The following KCNH8 variants were observed in gnomAD, a reference collection of about 807,000 sequenced individuals.
KCNH8 encodes the protein voltage-gated delayed rectifier potassium channel KCNH8.
Under a neutral mutation model 103.6 loss-of-function variants are expected in KCNH8, and 70 were observed. The observed-to-expected ratio is 0.68, with a 90% CI of 0.56 to 0.82. KCNH8 has a LOEUF of 0.82. Ranked by LOEUF, KCNH8 falls within the 40% of genes least tolerant of loss-of-function variation. The probability of loss-of-function intolerance (pLI) is 0.00; values close to 1 mark genes in which losing one functional copy is unlikely to be tolerated. For synonymous variants in KCNH8, 498 were observed against 489.4 expected, an observed-to-expected ratio of 1.02 and a Z score of -0.23; for missense variants, 1,217 against 1,329.9, an observed-to-expected ratio of 0.92 and a Z score of 1.32.
At chr3:19,427,043 C>T (rs1157479927) in intron 7 of KCNH8, among the ~76,000 whole-genome samples, 2 of 152,140 alleles carry the variant, frequency 1.3e-5, no homozygotes, top group Non-Finnish European at 2.9e-5. Context: ...TACCAATGGA[C>T]ATGGCCAGGA....
chr3:19,518,336 T>C (rs1314245816), intron 15 of KCNH8, among the ~76,000 whole-genome samples: 1 of 152,050 alleles, frequency 6.6e-6, no homozygotes, highest in African/African-American at 2.4e-5. Flanking sequence ...AATAAAATAA[T>C]CTAGGTCAAT....
intron 5 of KCNH8, among the ~76,000 whole-genome samples, chr3:19,371,800 G>A (rs1458902439): frequency 6.6e-6 from 1 of 151,382 alleles, no homozygotes; most frequent in African/African-American, 2.4e-5. Context: ...AAGATGTAAG[G>A]AAGGGATCCA....
intron 3 of KCNH8, among the ~76,000 whole-genome samples, chr3:19,290,438 T>G (rs2064902732): frequency 6.6e-6 from 1 of 152,206 alleles, no homozygotes; most frequent in African/African-American, 2.4e-5. Context: ...CCTAATTTAT[T>G]GAAAGTTTTT....
chr3:19,486,721 G>A (rs564756183), intron 11 of KCNH8, among the ~76,000 whole-genome samples: 2 of 152,154 alleles, frequency 1.3e-5, no homozygotes, highest in South Asian at 2.1e-4. Context: ...GTTACCGGTC[G>A]CCCCCCTTTG....
At chr3:19,397,534 CACACATATATAT>C (rs2066540226) in intron 7 of KCNH8, among the ~76,000 whole-genome samples, 1 of 146,130 alleles carries the variant, frequency 6.8e-6, no homozygotes, top group Non-Finnish European at 1.5e-5. Flanking sequence ...TGTATATATA[CACACATATATAT>C]ATATGTGTGT....
At chr3:19,410,830 A>G (rs1203148280) in intron 7 of KCNH8, among the ~76,000 whole-genome samples, 1 of 151,006 alleles carries the variant, frequency 6.6e-6, no homozygotes, top group East Asian at 2.0e-4. Context: ...CACTGAACGC[A>G]CCAATATTGA....
intron 5 of KCNH8, among the ~76,000 whole-genome samples, chr3:19,376,542 C>A (rs1316125295): frequency 6.6e-6 from 1 of 152,202 alleles, no homozygotes; most frequent in Non-Finnish European, 1.5e-5. Context: ...GATGGAAATG[C>A]AGAAATCACC....
chr3:19,513,019 TGGAAGATGAGGAAGA>T lies in KCNH8; in HGVS notation c.2133_2147del (p.Asp712_Glu716del). 6.2e-7 allele frequency: 1 copy of T among 1,613,622 alleles called. No homozygotes were observed. The highest frequency in any genetic ancestry group is 8.5e-7 in the Non-Finnish European group (1 of 1,179,810). On this transcript the variant is annotated inframe_deletion, in exon 13 of 16. Coordinates refer to ENST00000328405, the MANE Select transcript of KCNH8 (RefSeq NM_144633.3). ...ATCAACAAGCGACTCCCATCCATTG[TGGAAGATGAGGAAGA>T]GGAGGAGGAGGGGGAGGAAGAGGAG...
chr3:19,203,802 T>C (rs766292942), intron 1 of KCNH8, among the ~76,000 whole-genome samples: 10 of 152,082 alleles, frequency 6.6e-5, no homozygotes, highest in Non-Finnish European at 1.5e-4. Flanking sequence ...CTTTTTAATA[T>C]TTTCTAAATA....
At chr3:19,303,468 C>T (rs1448504144) in intron 3 of KCNH8, among the ~76,000 whole-genome samples, 1 of 152,062 alleles carries the variant, frequency 6.6e-6, no homozygotes, top group East Asian at 1.9e-4. Context: ...CACTATAGGT[C>T]CCTCCAAAAG....
intron 1 of KCNH8, among the ~76,000 whole-genome samples, chr3:19,150,577 G>T (rs1575396369): frequency 6.6e-6 from 1 of 152,158 alleles, no homozygotes; most frequent in African/African-American, 2.4e-5. Flanking sequence ...AATCATCAGC[G>T]TGGAAATATC....
chr3:19,349,220 A>G (rs1452098524), intron 5 of KCNH8, among the ~76,000 whole-genome samples: 1 of 152,130 alleles, frequency 6.6e-6, no homozygotes, highest in Non-Finnish European at 1.5e-5. Context: ...AGATGTAACC[A>G]TAAAGGGATC....
rs188544256 is a variant in KCNH8 at position 19,298,511 on chromosome 3, A to G, written c.442+17182A>G. On this transcript the variant is annotated intron_variant, in intron 3 of 15. Coordinates refer to ENST00000328405, the MANE Select transcript of KCNH8 (RefSeq NM_144633.3). ...AAAATCTGTAATTATAAAGAAATCA[A>G]TTGTGAAAGTAAAAATCATGTGATG... Among the ~76,000 whole-genome samples, 122 of 152,330 alleles carry G rather than the reference A, an allele frequency of 8.0e-4. 1 individual carries two copies. Among genetic ancestry groups the G allele is most frequent in the African/African-American group, 2.5e-3 (105 of 41,582 alleles).
chr3:19,294,496 T>C (rs2064970143), intron 3 of KCNH8, among the ~76,000 whole-genome samples: 1 of 152,168 alleles, frequency 6.6e-6, no homozygotes, highest in African/African-American at 2.4e-5. Context: ...TCCCAGGAAA[T>C]AGATTTCTGC....
chr3:19,364,167 C>T (rs1167489363), intron 5 of KCNH8, among the ~76,000 whole-genome samples: 5 of 152,054 alleles, frequency 3.3e-5, no homozygotes, highest in African/African-American at 1.2e-4. Context: ...ATTCCTAGTA[C>T]ACCTTTTAGA....
At chr3:19,246,057 A>G (rs553039817) in intron 1 of KCNH8, among the ~76,000 whole-genome samples, 1 of 152,144 alleles carries the variant, frequency 6.6e-6, no homozygotes, top group Non-Finnish European at 1.5e-5. Context: ...TACAAAATTT[A>G]TTGATGATTT....
chr3:19,258,943 C>CTATATATA (rs1352620384), intron 2 of KCNH8, among the ~76,000 whole-genome samples: 16 of 53,400 alleles, frequency 3.0e-4, no homozygotes, highest in South Asian at 6.1e-4. Context: ...CTCTCTCTCT[C>CTATATATA]TCTCTATATA....
At chr3:19,516,985 C>CT (rs369499726) in intron 14 of KCNH8, among the ~76,000 whole-genome samples, 13 of 151,904 alleles carry the variant, frequency 8.6e-5, no homozygotes, top group African/African-American at 2.4e-4. Context: ...AGTTATTTTA[C>CT]TTTTTTAGTA....
At chr3:19,499,244 AG>A (rs1015312306) in intron 11 of KCNH8, among the ~76,000 whole-genome samples, 10 of 152,310 alleles carry the variant, frequency 6.6e-5, no homozygotes, top group African/African-American at 2.4e-4. Context: ...TAGAGAAAAA[AG>A]AATAAAAAGA....
Sources: allele counts gnomAD v4.1 joint callset (sites outside exome capture counted in the v4.1 genomes callset), GRCh38; gene constraint gnomAD v4.1.1; transcripts MANE v1.5; gene names NCBI Gene and HGNC (gene_info 2026-07-23, HGNC 2026-07-21).